NCOR2: variants seen among roughly 807,000 people sequenced by gnomAD.
NCOR2 encodes nuclear receptor corepressor 2, also known as CTG repeat protein 26.
Under a neutral mutation model 262.9 loss-of-function variants are expected in NCOR2, and 81 were observed. The ratio of observed to expected loss-of-function variants is 0.31; its 90% CI spans 0.26 to 0.37. The LOEUF (loss-of-function observed/expected upper bound fraction) is 0.37. NCOR2 is among the 10% of genes least tolerant of loss of function. NCOR2 has a pLI of 1.00. For missense variants in NCOR2, 3,385 were observed against 3,621.4 expected, an observed-to-expected ratio of 0.93 and a Z score of 1.68; for synonymous variants, 1,659 against 1,559.3, an observed-to-expected ratio of 1.06 and a Z score of -1.51.
Position 124,445,933 on chromosome 12 carries a change from G to C in NCOR2, c.815+3882C>G, listed in dbSNP as rs552236106. The stretch of plus-strand genomic sequence containing the variant: ...TGAGCACGTCTGAAACTGAGCCCTA[G>C]AGGGCAAGTGACTTCCCACAGGGAC... On this transcript the variant is annotated intron_variant, in intron 7 of 46. Transcript: ENST00000405201. 3.3e-5 allele frequency among the ~76,000 whole-genome samples: 5 copies of C among 152,338 alleles called. No homozygotes were observed. The East Asian group carries it at 7.7e-4, about 23-fold the overall frequency.
At chr12:124,479,584 T>C (rs1289944162) in intron 3 of NCOR2, among the ~76,000 whole-genome samples, 1 of 152,062 alleles carries the variant, frequency 6.6e-6, no homozygotes, top group Non-Finnish European at 1.5e-5. Flanking sequence ...CGCGCGCGCA[T>C]GCACACACAC....
At chr12:124,347,593 C>A in intron 30 of NCOR2, 1 of 540,028 alleles carries the variant, frequency 1.9e-6, no homozygotes. Flanking sequence ...CTATGTGACA[C>A]CTAAAAGCAC....
At chr12:124,544,182 A>G (rs149687596) in intron 1 of NCOR2, among the ~76,000 whole-genome samples, 62 of 152,284 alleles carry the variant, frequency 4.1e-4, no homozygotes, top group Non-Finnish European at 8.2e-4. Context: ...AAACCTCTCT[A>G]TGCCCCGCAG....
chr12:124,409,908 G>A (rs1356769774), intron 13 of NCOR2, among the ~76,000 whole-genome samples: 1 of 151,758 alleles, frequency 6.6e-6, no homozygotes, highest in Admixed American at 6.6e-5. Context: ...TGAACTCCTG[G>A]GCTCAAGCGA....
intron 22 of NCOR2, among the ~76,000 whole-genome samples, chr12:124,358,099 G>A (rs201624877): frequency 4.8e-4 from 48 of 99,100 alleles, no homozygotes; most frequent in South Asian, 2.0e-3. Context: ...GTGTGTGCGC[G>A]CGCGCACGTG....
chr12:124,424,631 T>C (rs1475120430), intron 11 of NCOR2, among the ~76,000 whole-genome samples: 2 of 152,224 alleles, frequency 1.3e-5, no homozygotes, highest in African/African-American at 4.8e-5. Context: ...GTTCGGTATC[T>C]GCACTTGCGG....
intron 1 of NCOR2, among the ~76,000 whole-genome samples, chr12:124,524,683 C>CAA (rs2050362097): frequency 6.6e-6 from 1 of 152,250 alleles, no homozygotes; most frequent in Admixed American, 6.5e-5. Context: ...GTCTCTGCCA[C>CAA]AACTCAGGAG....
chr12:124,346,481 A>G (rs1307433023), intron 31 of NCOR2, 83 bp downstream of exon 33: 7 of 1,358,008 alleles, frequency 5.2e-6, no homozygotes, highest in Non-Finnish European at 6.7e-6. Flanking sequence ...CGGTTTCCCC[A>G]TGTGGAGAGG....
At position 124,392,596 on chromosome 12, in the gene NCOR2, C is replaced by T. The variant is rs534308728; in HGVS notation, c.1876+5523G>A. ...ACCCAGGAGCAGCAGCACTGCCTAC[C>T]GGCCCGCCCACCCCACTGTAAGCTC... On this transcript the variant is annotated intron_variant, in intron 16 of 46. Coordinates refer to ENST00000405201, the Ensembl canonical transcript of NCOR2. Among the ~76,000 whole-genome samples, 18 of 152,336 alleles carry T rather than the reference C, an allele frequency of 1.2e-4. No individual in the cohort carries two copies. In the East Asian group the frequency reaches 2.9e-3, roughly 25 times the overall value.
At chr12:124,388,820 C>T in intron 16 of NCOR2, 1 of 1,287,706 alleles carries the variant, frequency 7.8e-7, no homozygotes, top group Non-Finnish European at 1.0e-6. Context: ...TGGTTGGCGT[C>T]TGCTGGCGGC....
intron 1 of NCOR2, among the ~76,000 whole-genome samples, chr12:124,545,424 C>T (rs958894469): frequency 2.6e-5 from 4 of 152,166 alleles, no homozygotes; most frequent in Non-Finnish European, 5.9e-5. Context: ...TGGAGGGGTC[C>T]GAGGCACAGG....
intron 7 of NCOR2, among the ~76,000 whole-genome samples, chr12:124,439,959 C>T (rs1323394340): frequency 6.6e-6 from 1 of 151,982 alleles, no homozygotes; most frequent in Non-Finnish European, 1.5e-5. Context: ...GGCTGGAAGA[C>T]ACCCCCACCC....
intron 17 of NCOR2, among the ~76,000 whole-genome samples, chr12:124,384,048 G>A (rs1246819571): frequency 6.6e-6 from 1 of 151,986 alleles, no homozygotes; most frequent in Non-Finnish European, 1.5e-5. Context: ...GGGAGGCGGG[G>A]GGAGGAGAGA....
chr12:124,459,538 C>G (rs902322293), intron 5 of NCOR2, among the ~76,000 whole-genome samples: 13 of 152,090 alleles, frequency 8.5e-5, no homozygotes, highest in African/African-American at 2.9e-4. Flanking sequence ...GTGCTCTAAC[C>G]CTCAGCAATC....
chr12:124,343,179 T>C, exon 33 of NCOR2: 1 of 1,609,156 alleles, frequency 6.2e-7, no homozygotes, highest in Non-Finnish European at 8.5e-7. Context: ...TCACGAGGCG[T>C]CGACGTCAGC....
intron 17 of NCOR2, 23 bp downstream of exon 19, chr12:124,385,722 G>A: frequency 1.2e-6 from 2 of 1,611,834 alleles, no homozygotes; most frequent in Non-Finnish European, 1.7e-6. Context: ...CAGAGGCGCG[G>A]TGCAGCGTGA....
chr12:124,372,674 T>C (rs1350426831), intron 19 of NCOR2, 64 bp from the exon 22 acceptor site: 8 of 1,443,692 alleles, frequency 5.5e-6, no homozygotes, highest in African/African-American at 2.8e-5. Flanking sequence ...AAGAGATGCA[T>C]GGCCCTGACC....
At chr12:124,498,206 C>T (rs2048479191), upstream of NCOR2, among the ~76,000 whole-genome samples, 1 of 152,224 alleles carries the variant, frequency 6.6e-6, no homozygotes, top group Non-Finnish European at 1.5e-5. Context: ...CATTTACCCA[C>T]AGCTTTTCTT....
intron 41 of NCOR2, among the ~76,000 whole-genome samples, chr12:124,333,840 C>A (rs371784400): frequency 5.7e-4 from 44 of 77,510 alleles, no homozygotes; most frequent in South Asian, 3.9e-3. Context: ...GCGGGTGCGC[C>A]TGTGTGCGGG....
Sources: gnomAD v4.1 joint callset for allele counts (sites outside exome capture counted in the v4.1 genomes callset) on GRCh38, gnomAD v4.1.1 for gene constraint, MANE v1.5 for transcripts, NCBI Gene and HGNC (gene_info 2026-07-23, HGNC 2026-07-21) for gene names.